Variants in DLGAP2 observed in about 807,000 individuals in gnomAD.
The protein encoded by DLGAP2 is DLG associated protein 2, also known as disks large-associated protein 2.
DLGAP2 carries 26 observed loss-of-function variants against 100.3 expected under a neutral mutation model. That is an observed-to-expected ratio of 0.26 (90% CI 0.19 to 0.36). The LOEUF (loss-of-function observed/expected upper bound fraction) is 0.36. Among genes scored for constraint, DLGAP2 ranks in the 10% least tolerant of loss-of-function variants. The pLI is 1.00. For missense variants in DLGAP2, 1,858 were observed against 1,453.2 expected (o/e 1.28, Z -4.53); for synonymous variants, 886 against 630.1 (o/e 1.41, Z -6.08).
chr8:1,117,809 T>C (rs1464202571), intron 2 of DLGAP2, among the ~76,000 whole-genome samples: 9 of 152,014 alleles, frequency 5.9e-5, no homozygotes, highest in Middle Eastern at 6.9e-3. Flanking sequence ...GACACTCACT[T>C]GGGCTCAGAG....
intron 2 of DLGAP2, among the ~76,000 whole-genome samples, chr8:1,241,551 G>T (rs1798796984): frequency 6.6e-6 from 1 of 152,240 alleles, no homozygotes; most frequent in African/African-American, 2.4e-5. Flanking sequence ...TGTTTCCCAT[G>T]GGGGCCTTTG....
At chr8:1,662,642 C>A (rs1798434468) in intron 8 of DLGAP2, among the ~76,000 whole-genome samples, 1 of 152,244 alleles carries the variant, frequency 6.6e-6, no homozygotes, top group Non-Finnish European at 1.5e-5. Context: ...GGTTTAAGCC[C>A]ATTCAGACTT....
At chr8:944,659 G>T (rs1799273390) in intron 2 of DLGAP2, among the ~76,000 whole-genome samples, 1 of 151,988 alleles carries the variant, frequency 6.6e-6, no homozygotes, top group Non-Finnish European at 1.5e-5. Context: ...GTGATCCAGT[G>T]GGTGGTAATG....
intron 1 of DLGAP2, among the ~76,000 whole-genome samples, chr8:895,025 G>A (rs1304545331): frequency 1.4e-5 from 2 of 145,192 alleles, no homozygotes; most frequent in African/African-American, 5.1e-5. Context: ...GTGGGGGAGT[G>A]GGGTGGTGGC....
At chr8:1,079,908 G>T (rs185549252) in intron 2 of DLGAP2, among the ~76,000 whole-genome samples, 146 of 152,342 alleles carry the variant, frequency 9.6e-4, no homozygotes, top group African/African-American at 3.3e-3. Flanking sequence ...GCCCTGTGAG[G>T]GCACAGGCTG....
intron 2 of DLGAP2, among the ~76,000 whole-genome samples, chr8:1,230,809 A>T (rs1056964129): frequency 6.6e-6 from 1 of 152,230 alleles, no homozygotes; most frequent in East Asian, 1.9e-4. Context: ...AGCCTTATGC[A>T]AAGAATGAAA....
chr8:873,111 T>A (rs1202333579), intron 1 of DLGAP2, among the ~76,000 whole-genome samples: 1 of 152,222 alleles, frequency 6.6e-6, no homozygotes, highest in Non-Finnish European at 1.5e-5. Flanking sequence ...CATCTCTAGA[T>A]TATTTATAAA....
At chr8:779,156 C>T (rs1012214710) in intron 1 of DLGAP2, among the ~76,000 whole-genome samples, 10 of 152,256 alleles carry the variant, frequency 6.6e-5, no homozygotes, top group Non-Finnish European at 5.9e-5. Flanking sequence ...CTCCCTGACG[C>T]CTTGCGCTTC....
intron 3 of DLGAP2, among the ~76,000 whole-genome samples, chr8:1,275,939 TATATATAATATATAAATAA>T (rs1168522211): frequency 7.9e-6 from 1 of 125,890 alleles, no homozygotes; most frequent in Non-Finnish European, 1.6e-5. Flanking sequence ...AGTATATAAA[TATATATAATATATAAATAA>T]ATATATAATA....
chr8:1,154,947 C>T (rs752404846), intron 2 of DLGAP2, among the ~76,000 whole-genome samples: 1 of 152,236 alleles, frequency 6.6e-6, no homozygotes, highest in East Asian at 1.9e-4. Flanking sequence ...TGTTTCTCCT[C>T]ACTGCAGCCC....
In DLGAP2 at chr8:834,451, G is replaced by A. The variant is rs542005758; in HGVS notation, c.19-73461G>A. 2.6e-5 allele frequency among the ~76,000 whole-genome samples: 4 copies of A among 152,342 alleles called. No homozygotes were observed. The East Asian group carries it at 5.8e-4, about 22-fold the overall frequency. On this transcript the variant is annotated intron_variant, in intron 1 of 14. Coordinates refer to ENST00000637795, the MANE Select transcript of DLGAP2 (RefSeq NM_001346810.2). ...GCGCCTGCGTTCCTCAGTGCCACAA[G>A]CACATCATTCAGGACATTTTTGATA...
rs377532597 is a variant in DLGAP2 at position 1,549,311 on chromosome 8, G to C, written c.858G>C (p.Glu286Asp). Reference sequence around the variant, plus strand: ...GCAAGAGCAAGGAGCGCAAGCCGGAGGGCAAGCCCCGGCCCGGCATGAGCA... The same window carrying C: ...GCAAGAGCAAGGAGCGCAAGCCGGACGGCAAGCCCCGGCCCGGCATGAGCA... ...KRSKSKERKP[E>D]GKPRPGMSSW... is the part of the protein sequence containing the mutation. The change falls in exon 5 of 15, where the codon GAG becomes GAC. Residue 286 changes from glutamate to aspartate, a missense_variant. Coordinates refer to ENST00000637795, the MANE Select transcript of DLGAP2 (RefSeq NM_001346810.2). The C allele has an allele frequency of 3.1e-6, 5 of 1,612,722 alleles. No individual in the cohort carries two copies. The African/African-American group carries it at 6.7e-5, about 22-fold the overall frequency.
intron 2 of DLGAP2, among the ~76,000 whole-genome samples, chr8:972,093 C>T (rs1800028561): frequency 6.6e-6 from 1 of 152,082 alleles, no homozygotes; most frequent in Non-Finnish European, 1.5e-5. Context: ...ACAGGAGAGA[C>T]AAAAACAAGG....
intron 2 of DLGAP2, among the ~76,000 whole-genome samples, chr8:1,028,169 CCGTTATTCTCCAGT>C: frequency 1.4e-5 from 2 of 140,434 alleles, no homozygotes; most frequent in African/African-American, 5.4e-5. Context: ...TACCAGGCGC[CCGTTATTCTCCAGT>C]TGGGGTGCCA....
At chr8:969,315 C>T (rs375305300) in intron 2 of DLGAP2, among the ~76,000 whole-genome samples, 36 of 152,274 alleles carry the variant, frequency 2.4e-4, no homozygotes, top group African/African-American at 8.4e-4. Flanking sequence ...CGCTGGCCGA[C>T]ACACTCTGCA....
At chr8:1,678,880 G>A (rs1250491541) in intron 12 of DLGAP2, 5 of 426,528 alleles carry the variant, frequency 1.2e-5, no homozygotes, top group Admixed American at 4.3e-5. Flanking sequence ...AATCAACTGT[G>A]CTAACAGTTT....
At chr8:1,224,424 A>G (rs1477250649) in intron 2 of DLGAP2, among the ~76,000 whole-genome samples, 1 of 152,222 alleles carries the variant, frequency 6.6e-6, no homozygotes, top group African/African-American at 2.4e-5. Flanking sequence ...ATTAATACAT[A>G]TTTATGTACA....
intron 1 of DLGAP2, among the ~76,000 whole-genome samples, chr8:769,864 G>T (rs1305888091): frequency 2.0e-5 from 3 of 152,152 alleles, no homozygotes; most frequent in Non-Finnish European, 4.4e-5. Flanking sequence ...CGGAAAACAT[G>T]AAAGATGGAG....
At chr8:950,715 G>A (rs990512264) in intron 2 of DLGAP2, among the ~76,000 whole-genome samples, 2 of 150,066 alleles carry the variant, frequency 1.3e-5, no homozygotes, top group East Asian at 3.9e-4. Context: ...TCCGCCTCTC[G>A]GGTTCAAGCA....
Sources: allele counts gnomAD v4.1 joint callset (sites outside exome capture counted in the v4.1 genomes callset), GRCh38; gene constraint gnomAD v4.1.1; transcripts MANE v1.5; gene names NCBI Gene and HGNC (gene_info 2026-07-23, HGNC 2026-07-21).